PEAK1: variants seen among roughly 807,000 people sequenced by gnomAD.
PEAK1 encodes the protein pseudopodium enriched atypical kinase 1, also known as inactive tyrosine-protein kinase PEAK1.
Under a neutral mutation model 124.7 loss-of-function variants are expected in PEAK1, and 54 were observed. The ratio of observed to expected loss-of-function variants is 0.43; its 90% CI spans 0.35 to 0.54. The LOEUF (loss-of-function observed/expected upper bound fraction) is 0.54. PEAK1 is among the 20% of genes least tolerant of loss of function. The pLI, the probability that PEAK1 is intolerant of heterozygous loss-of-function variation, is 0.01. For synonymous variants in PEAK1, 719 were observed against 760.0 expected (o/e 0.95, Z 0.89); for missense variants, 2,046 against 2,134.5 (o/e 0.96, Z 0.82).
intron 2 of PEAK1, among the ~76,000 whole-genome samples, chr15:77,359,996 C>T (rs1020962256): frequency 6.6e-6 from 1 of 152,178 alleles, no homozygotes; most frequent in African/African-American, 2.4e-5. Flanking sequence ...GTTGGAAGAA[C>T]TTACACTGCC....
chr15:77,123,633 C>T (rs2152726227), intron 9 of PEAK1, among the ~76,000 whole-genome samples: 1 of 152,148 alleles, frequency 6.6e-6, no homozygotes, highest in South Asian at 2.1e-4. Flanking sequence ...GATTAGTCTA[C>T]TATGGATTTA....
chr15:77,230,289 A>G (rs1426444777), intron 6 of PEAK1, among the ~76,000 whole-genome samples: 2 of 151,138 alleles, frequency 1.3e-5, no homozygotes, highest in Non-Finnish European at 3.0e-5. Flanking sequence ...AACCTCCACC[A>G]CAGCTGTTCA....
chr15:77,355,041 T>TAAA (rs552594542), intron 2 of PEAK1, among the ~76,000 whole-genome samples: 4 of 116,954 alleles, frequency 3.4e-5, no homozygotes, highest in Non-Finnish European at 3.7e-5. Flanking sequence ...TCCATCTCAA[T>TAAA]AAAAAAAAAA....
rs1255915164 is a variant in PEAK1 at position 77,307,445 on chromosome 15, T to C, written c.-602-20941A>G. ...GTAGATAACAAAGGAAAGAGAAGCG[T>C]AATCAATCGATAGATACAAACATTT... On this transcript the variant is annotated intron_variant, in intron 2 of 9. Transcript: ENST00000682557. Among the ~76,000 whole-genome samples, 3 of 152,100 alleles carry C rather than the reference T, an allele frequency of 2.0e-5. No individual in the cohort carries two copies. The East Asian group carries it at 5.8e-4, about 29-fold the overall frequency.
At chr15:77,305,384 T>G (rs1198993240) in intron 2 of PEAK1, among the ~76,000 whole-genome samples, 1 of 152,132 alleles carries the variant, frequency 6.6e-6, no homozygotes, top group Non-Finnish European at 1.5e-5. Flanking sequence ...AAAATTTTAT[T>G]AGGGGCATGG....
intron 9 of PEAK1, among the ~76,000 whole-genome samples, chr15:77,127,026 G>T (rs2052430435): frequency 6.6e-6 from 1 of 152,192 alleles, no homozygotes; most frequent in Non-Finnish European, 1.5e-5. Flanking sequence ...TGGAGACAGG[G>T]CTAACAAGGA....
At chr15:77,406,418 T>C (rs1328024269) in intron 1 of PEAK1, among the ~76,000 whole-genome samples, 1 of 152,170 alleles carries the variant, frequency 6.6e-6, no homozygotes, top group Non-Finnish European at 1.5e-5. Flanking sequence ...GTCTGATAAA[T>C]GAATTCAGTA....
At chr15:77,397,574 T>C (rs1417643419) in intron 1 of PEAK1, among the ~76,000 whole-genome samples, 1 of 151,420 alleles carries the variant, frequency 6.6e-6, no homozygotes, top group Non-Finnish European at 1.5e-5. Flanking sequence ...AAGACTCAAA[T>C]AAATAAAATA....
chr15:77,315,722 T>C (rs2064828863), intron 2 of PEAK1, among the ~76,000 whole-genome samples: 2 of 151,882 alleles, frequency 1.3e-5, no homozygotes, highest in African/African-American at 2.4e-5. Flanking sequence ...GAGAAAAACA[T>C]TGGACAAATC....
chr15:77,218,098 A>G (rs2152873824), intron 6 of PEAK1, among the ~76,000 whole-genome samples: 1 of 152,220 alleles, frequency 6.6e-6, no homozygotes, highest in Middle Eastern at 3.4e-3. Flanking sequence ...GTATGCCTTT[A>G]TATTTTGCCT....
At chr15:77,409,222 TG>T (rs59105871) in intron 1 of PEAK1, among the ~76,000 whole-genome samples, 152,332 of 152,334 alleles carry the variant, frequency 1, 76,165 homozygotes, top group Non-Finnish European at 1. Flanking sequence ...ATAAATGTAC[TG>T]GGAAAATTAA....
At chr15:77,390,822 G>A (rs1054269787) in intron 1 of PEAK1, among the ~76,000 whole-genome samples, 2 of 152,090 alleles carry the variant, frequency 1.3e-5, no homozygotes, top group Non-Finnish European at 2.9e-5. Flanking sequence ...TCAACAAGGT[G>A]GTCTGGTTGC....
At chr15:77,116,188 C>A (rs1474944335) in intron 9 of PEAK1, among the ~76,000 whole-genome samples, 1 of 152,154 alleles carries the variant, frequency 6.6e-6, no homozygotes, top group African/African-American at 2.4e-5. Context: ...GTAAGTAAAA[C>A]CACCCCCAAA....
At chr15:77,137,836 G>C (rs2053461419) in intron 8 of PEAK1, among the ~76,000 whole-genome samples, 2 of 152,076 alleles carry the variant, frequency 1.3e-5, no homozygotes, top group Non-Finnish European at 2.9e-5. Flanking sequence ...AGGGGCAAGG[G>C]GTGGAATGAT....
intron 1 of PEAK1, chr15:77,418,751 G>A (rs915958780): frequency 1.0e-6 from 1 of 985,228 alleles, no homozygotes; most frequent in Non-Finnish European, 1.2e-6. Context: ...GATAATTCAC[G>A]TTTTTCACTT....
chr15:77,125,888 T>G (rs2052332508), intron 9 of PEAK1, among the ~76,000 whole-genome samples: 5 of 149,516 alleles, frequency 3.3e-5, no homozygotes. Context: ...CAGAAGTTCT[T>G]TATTGTATTA....
chr15:77,408,602 C>G (rs933290380), intron 1 of PEAK1, among the ~76,000 whole-genome samples: 3 of 151,978 alleles, frequency 2.0e-5, no homozygotes, highest in Admixed American at 6.6e-5. Flanking sequence ...AAGTAGAGAA[C>G]TGGCATTAGA....
chr15:77,294,391 A>G (rs538561536), intron 2 of PEAK1, among the ~76,000 whole-genome samples: 2 of 152,328 alleles, frequency 1.3e-5, no homozygotes, highest in East Asian at 1.9e-4. Context: ...GCAGTTTGAC[A>G]TCTACGATTA....
intron 5 of PEAK1, among the ~76,000 whole-genome samples, chr15:77,283,303 C>T (rs909069076): frequency 2.0e-5 from 3 of 152,112 alleles, no homozygotes; most frequent in Non-Finnish European, 1.5e-5. Context: ...ATTAGTTCTA[C>T]AGAAAACATG....
Sources: gnomAD v4.1 joint callset for allele counts (sites outside exome capture counted in the v4.1 genomes callset) on GRCh38, gnomAD v4.1.1 for gene constraint, MANE v1.5 for transcripts, NCBI Gene and HGNC (gene_info 2026-07-23, HGNC 2026-07-21) for gene names.